BPGM: variants seen among roughly 807,000 people sequenced by gnomAD.
The protein encoded by BPGM is 2,3-bisphosphoglycerate mutase, erythrocyte.
Under a neutral mutation model 21.6 loss-of-function variants are expected in BPGM, and 15 were observed. That is an observed-to-expected ratio of 0.70 (90% CI 0.47 to 1.07). The LOEUF (loss-of-function observed/expected upper bound fraction) is 1.07. Ranked by LOEUF, BPGM falls within the 50% of genes least tolerant of loss-of-function variation. The probability of loss-of-function intolerance (pLI) is 0.00; values close to 1 mark genes in which losing one functional copy is unlikely to be tolerated. For synonymous variants in BPGM, 113 were observed against 116.2 expected (o/e 0.97, Z 0.18); for missense variants, 273 against 319.0 (o/e 0.86, Z 1.10).
chr7:134,670,344 G>T (rs576701771), intron 2 of BPGM, among the ~76,000 whole-genome samples: 3 of 152,256 alleles, frequency 2.0e-5, no homozygotes, highest in South Asian at 2.1e-4. Flanking sequence ...GTTACCTTTG[G>T]CATTTTAGTG....
intron 2 of BPGM, among the ~76,000 whole-genome samples, chr7:134,678,176 T>C (rs1796009452): frequency 6.6e-6 from 1 of 152,246 alleles, no homozygotes; most frequent in Non-Finnish European, 1.5e-5. Context: ...AATTCAGTTG[T>C]ACTTTAAAAA....
At chr7:134,660,358 TGGA>T in intron 1 of BPGM, 1 of 152,330 alleles carries the variant, frequency 6.6e-6, no homozygotes, top group East Asian at 1.9e-4. Context: ...TGCAAAACAC[TGGA>T]GGAGAGATGG....
At chr7:134,676,370 G>C (rs1260935749) in intron 2 of BPGM, among the ~76,000 whole-genome samples, 1 of 152,170 alleles carries the variant, frequency 6.6e-6, no homozygotes. Context: ...GTAAGCTTTA[G>C]TCAAACATGG....
At chr7:134,653,774 C>T (rs1795592315) in intron 1 of BPGM, among the ~76,000 whole-genome samples, 1 of 152,120 alleles carries the variant, frequency 6.6e-6, no homozygotes, top group South Asian at 2.1e-4. Flanking sequence ...CTGTCTTGAC[C>T]TTGCCAAAAG....
rs145772967 is a variant in BPGM, at chr7:134,679,174, T to C, written c.*143T>C. 455 of 928,792 alleles carry C rather than the reference T, an allele frequency of 4.9e-4. No homozygotes were observed. The highest frequency in any genetic ancestry group is 7.5e-4 in the Admixed American group (32 of 42,708). The allele number at this position is 928,792 out of a possible 1,614,324, so 57.5% of individuals were successfully genotyped here. A position where few individuals can be genotyped will look rare whatever the true frequency, so the allele number is the denominator to read the frequency against. ...TTGTATAGGTAACTAGGTAACTTATTGTGGCCCAGATAAGGCTTTAGGATG... is the reference window on the plus strand; with the variant it reads ...TTGTATAGGTAACTAGGTAACTTATCGTGGCCCAGATAAGGCTTTAGGATG... On this transcript the variant is annotated 3_prime_UTR_variant, in exon 3 of 3. Coordinates refer to ENST00000344924, the MANE Select transcript of BPGM (RefSeq NM_001724.5).
chr7:134,674,310 C>T (rs551083722), intron 2 of BPGM, among the ~76,000 whole-genome samples: 20 of 152,308 alleles, frequency 1.3e-4, no homozygotes, highest in African/African-American at 4.8e-4. Flanking sequence ...AGTGTATTCA[C>T]AAAATTGTAA....
rs535746233 is a variant in BPGM, at chr7:134,677,822, C to A, written c.602-1031C>A. Among the ~76,000 whole-genome samples the A allele has an allele frequency of 4.5e-4, 68 of 152,278 alleles. 2 individuals carry two copies. The South Asian group carries it at 9.3e-3, about 21-fold the overall frequency. On this transcript the variant is annotated intron_variant, in intron 2 of 2. Transcript: ENST00000344924. ...TGCTGAACTTCATCTCTTTCTCATG[C>A]CTTCCCTTTGCTCACTTTGAACTCA...
chr7:134,661,468 T>C lies in BPGM; in HGVS notation c.-40T>C, dbSNP rs1795728983. ...CTAGATGTATTGCTGTCCTTGAATA[T>C]TAGCCCATTTGAAAACGCCTGGGAA... On this transcript the variant is annotated 5_prime_UTR_variant, in exon 2 of 3. Coordinates refer to ENST00000344924, the MANE Select transcript of BPGM (RefSeq NM_001724.5). The surrounding 1 kb of genome is among the most constrained non-coding windows in gnomAD (Gnocchi z 4.6). The C allele has an allele frequency of 3.7e-6, 6 of 1,613,572 alleles. No homozygotes were observed. The highest frequency in any genetic ancestry group is 1.1e-5 in the South Asian group (1 of 90,876).
intron 2 of BPGM, among the ~76,000 whole-genome samples, chr7:134,663,965 G>A (rs971031715): frequency 6.6e-6 from 1 of 152,186 alleles, no homozygotes; most frequent in African/African-American, 2.4e-5. Context: ...TATAACCATG[G>A]TGGGGGCAAA....
intron 2 of BPGM, among the ~76,000 whole-genome samples, chr7:134,671,624 A>C (rs1276337828): frequency 6.6e-6 from 1 of 152,182 alleles, no homozygotes; most frequent in Non-Finnish European, 1.5e-5. Flanking sequence ...TCGGCCTCCC[A>C]AAGTGCTGGG....
rs981897570 is a variant in BPGM, at chr7:134,665,718, T to C, written c.601+3610T>C. Among the ~76,000 whole-genome samples, 7 of 147,570 alleles carry C rather than the reference T, an allele frequency of 4.7e-5. 1 individual carries two copies. The highest frequency in any genetic ancestry group is 7.5e-5 in the African/African-American group (3 of 40,060). Reference sequence around the variant, plus strand: ...GGCAGAAGTGGACTTACAGGGCTCATTGGGAAATAAGCAGGCATTGGTCTT... The same window carrying C: ...GGCAGAAGTGGACTTACAGGGCTCACTGGGAAATAAGCAGGCATTGGTCTT... On this transcript the variant is annotated intron_variant, in intron 2 of 2. Transcript: ENST00000344924.
intron 2 of BPGM, among the ~76,000 whole-genome samples, chr7:134,668,359 C>A (rs1007344673): frequency 3.3e-5 from 5 of 151,950 alleles, no homozygotes; most frequent in Non-Finnish European, 7.4e-5. Flanking sequence ...TTTCCCTTGA[C>A]CTATTCTTTG....
At chr7:134,651,536 G>A (rs1054625855) in intron 1 of BPGM, among the ~76,000 whole-genome samples, 1 of 152,102 alleles carries the variant, frequency 6.6e-6, no homozygotes, top group Admixed American at 6.5e-5. Flanking sequence ...ATAGTTTAAT[G>A]AAGGAGTAGG....
chr7:134,678,205 G>A (rs1049244598), intron 2 of BPGM, among the ~76,000 whole-genome samples: 1 of 152,202 alleles, frequency 6.6e-6, no homozygotes, highest in African/African-American at 2.4e-5. Context: ...GGTGGCTTGT[G>A]TTTTATATAT....
intron 1 of BPGM, among the ~76,000 whole-genome samples, chr7:134,656,171 T>G (rs1009862756): frequency 6.6e-6 from 1 of 152,178 alleles, no homozygotes; most frequent in African/African-American, 2.4e-5. Context: ...TTAATTTGAT[T>G]TTGATATACA....
intron 2 of BPGM, among the ~76,000 whole-genome samples, chr7:134,674,618 A>G (rs1439502567): frequency 6.6e-6 from 1 of 152,232 alleles, no homozygotes; most frequent in African/African-American, 2.4e-5. Context: ...TTGCCAAATA[A>G]TATTCTATTG....
At chr7:134,670,387 G>A (rs745886425) in intron 2 of BPGM, among the ~76,000 whole-genome samples, 35 of 152,172 alleles carry the variant, frequency 2.3e-4, no homozygotes, top group East Asian at 9.6e-4. Flanking sequence ...TTCAGGCCTC[G>A]CTTCTGTGAG....
chr7:134,655,883 CA>C (rs1795629600), intron 1 of BPGM, among the ~76,000 whole-genome samples: 1 of 152,208 alleles, frequency 6.6e-6, no homozygotes, highest in South Asian at 2.1e-4. Flanking sequence ...ATGCAGCTTA[CA>C]GTCTTACAGG....
chr7:134,657,714 C>CA (rs2131423820), intron 1 of BPGM, among the ~76,000 whole-genome samples: 1 of 152,210 alleles, frequency 6.6e-6, no homozygotes, highest in South Asian at 2.1e-4. Context: ...AATTGACACT[C>CA]AAAGCTGAGT....
Sources: allele counts gnomAD v4.1 joint callset (sites outside exome capture counted in the v4.1 genomes callset), GRCh38; gene constraint gnomAD v4.1.1; non-coding constraint Gnocchi (gnomAD v3.1); transcripts MANE v1.5; gene names NCBI Gene and HGNC (gene_info 2026-07-23, HGNC 2026-07-21).